Variants in FSTL4 observed in about 807,000 individuals in gnomAD.
FSTL4 encodes follistatin like 4.
Under a neutral mutation model 78.2 loss-of-function variants are expected in FSTL4, and 28 were observed. That is an observed-to-expected ratio of 0.36 (90% confidence interval 0.27 to 0.49). The LOEUF (loss-of-function observed/expected upper bound fraction) is 0.49. Among genes scored for constraint, FSTL4 ranks in the 20% least tolerant of loss-of-function variants. The probability of loss-of-function intolerance (pLI) is 0.98; values close to 1 mark genes in which losing one functional copy is unlikely to be tolerated. For synonymous variants in FSTL4, 422 were observed against 440.5 expected, an observed-to-expected ratio of 0.96 and a Z score of 0.53; for missense variants, 922 against 1,084.9, an observed-to-expected ratio of 0.85 and a Z score of 2.11.
chr5:133,401,818 T>C (rs577863732), intron 3 of FSTL4, among the ~76,000 whole-genome samples: 36 of 152,184 alleles, frequency 2.4e-4, no homozygotes, highest in Non-Finnish European at 4.3e-4. Flanking sequence ...CATTTGCAGG[T>C]CTCAGGTAGA....
At chr5:133,474,572 C>T (rs569616455) in intron 3 of FSTL4, among the ~76,000 whole-genome samples, 5 of 152,286 alleles carry the variant, frequency 3.3e-5, no homozygotes, top group South Asian at 2.1e-4. Flanking sequence ...CCATGGCTTT[C>T]GTGACTTACA....
intron 2 of FSTL4, among the ~76,000 whole-genome samples, chr5:133,599,280 C>T (rs574965966): frequency 3.3e-5 from 5 of 152,124 alleles, no homozygotes; most frequent in African/African-American, 4.8e-5. Context: ...CCATGCCTCG[C>T]GGGGACAGGA....
At chr5:133,835,667 T>A in the FSTL4 span, among the ~76,000 whole-genome samples, 1 of 152,212 alleles carries the variant, frequency 6.6e-6, no homozygotes, top group Non-Finnish European at 1.5e-5. Context: ...GCCCTGCTAT[T>A]ATTTTCCAGT....
chr5:133,198,881 G>T lies in FSTL4; in HGVS notation c.*214C>A. ...CACAGCAGCATATGTTCTCATCGTA[G>T]CTCAAGGCATAAATCATACTTCCTA... On this transcript the variant is annotated 3_prime_UTR_variant, in exon 16 of 16. Transcript: ENST00000265342. 2.2e-6 allele frequency: 1 copy of T among 464,622 alleles called. No individual in the cohort carries two copies. Among genetic ancestry groups the T allele is most frequent in the South Asian group, 6.4e-5 (1 of 15,686 alleles). 28.8% of individuals were successfully genotyped at this position (464,622 alleles called of 1,614,324 possible). A position where few individuals can be genotyped will look rare whatever the true frequency, so the allele number is the denominator to read the frequency against.
chr5:133,802,854 A>T, the FSTL4 span, among the ~76,000 whole-genome samples: 1 of 152,218 alleles, frequency 6.6e-6, no homozygotes, highest in African/African-American at 2.4e-5. Context: ...ACAGTGCCAC[A>T]TCTCCCCAAA....
chr5:133,219,016 G>A (rs1190585409), intron 12 of FSTL4, among the ~76,000 whole-genome samples: 3 of 152,176 alleles, frequency 2.0e-5, no homozygotes, highest in African/African-American at 2.4e-5. Context: ...CTTTTCCTTT[G>A]TCTTACATGA....
At chr5:133,763,508 G>A in the FSTL4 span, among the ~76,000 whole-genome samples, 1 of 152,092 alleles carries the variant, frequency 6.6e-6, no homozygotes, top group Non-Finnish European at 1.5e-5. Context: ...GCCCCTCTGA[G>A]CCTCCTCCAT....
intron 3 of FSTL4, among the ~76,000 whole-genome samples, chr5:133,430,084 G>A (rs570097555): frequency 6.6e-6 from 1 of 152,338 alleles, no homozygotes; most frequent in Admixed American, 6.5e-5. Context: ...AATGTGAGGT[G>A]CAATTTTTCC....
chr5:133,339,240 C>T (rs529380114), intron 4 of FSTL4, among the ~76,000 whole-genome samples: 144 of 152,330 alleles, frequency 9.5e-4, no homozygotes, highest in African/African-American at 3.4e-3. Flanking sequence ...CTTGCAGCAT[C>T]TGCTCAAGAC....
the FSTL4 span, among the ~76,000 whole-genome samples, chr5:133,629,577 G>T: frequency 6.6e-6 from 1 of 152,148 alleles, no homozygotes; most frequent in Non-Finnish European, 1.5e-5. Context: ...ACAAAGAGGA[G>T]CTGGTACCAT....
At chr5:133,368,612 A>C (rs978491413) in intron 4 of FSTL4, among the ~76,000 whole-genome samples, 1 of 152,260 alleles carries the variant, frequency 6.6e-6, no homozygotes, top group African/African-American at 2.4e-5. Flanking sequence ...AAAGAGCAAC[A>C]GGAAGAGCCT....
At chr5:133,755,837 A>C in the FSTL4 span, among the ~76,000 whole-genome samples, 1 of 152,174 alleles carries the variant, frequency 6.6e-6, no homozygotes, top group Non-Finnish European at 1.5e-5. Flanking sequence ...CTCTTCATCA[A>C]ACTGTGTTCA....
At chr5:133,367,076 G>T (rs781268039) in intron 4 of FSTL4, among the ~76,000 whole-genome samples, 5 of 152,174 alleles carry the variant, frequency 3.3e-5, no homozygotes, top group Non-Finnish European at 7.3e-5. Context: ...TCTGTTAGCT[G>T]CTTGGGGGCA....
At chr5:133,291,190 GT>G (rs1343896415) in intron 6 of FSTL4, among the ~76,000 whole-genome samples, 1 of 152,210 alleles carries the variant, frequency 6.6e-6, no homozygotes, top group African/African-American at 2.4e-5. Flanking sequence ...AGAGCGGGCC[GT>G]TGAGTCACAC....
intron 6 of FSTL4, among the ~76,000 whole-genome samples, chr5:133,309,733 C>T (rs1753733249): frequency 6.6e-6 from 1 of 152,162 alleles, no homozygotes; most frequent in Admixed American, 6.5e-5. Context: ...GTACAACAGC[C>T]CCAAACCCAT....
At chr5:133,550,412 T>A (rs939536291) in intron 3 of FSTL4, among the ~76,000 whole-genome samples, 10 of 152,286 alleles carry the variant, frequency 6.6e-5, no homozygotes, top group African/African-American at 2.4e-4. Context: ...TTTCAGTAAG[T>A]ATTCACCAAA....
intron 3 of FSTL4, among the ~76,000 whole-genome samples, chr5:133,472,426 T>C (rs546636480): frequency 6.6e-6 from 1 of 151,994 alleles, no homozygotes; most frequent in Non-Finnish European, 1.5e-5. Flanking sequence ...CATTCTAGAT[T>C]AGAATAAGAA....
At chr5:133,364,019 TG>T (rs1344895861) in intron 4 of FSTL4, among the ~76,000 whole-genome samples, 2 of 152,234 alleles carry the variant, frequency 1.3e-5, no homozygotes, top group African/African-American at 4.8e-5. Flanking sequence ...AGCCCACCTC[TG>T]GGCCCTGAAT....
intron 3 of FSTL4, among the ~76,000 whole-genome samples, chr5:133,450,141 T>C (rs772752688): frequency 1.3e-5 from 2 of 152,208 alleles, no homozygotes; most frequent in Non-Finnish European, 2.9e-5. Context: ...CAAACACAAA[T>C]ACTAGTCTTT....
Sources: allele counts gnomAD v4.1 joint callset (sites outside exome capture counted in the v4.1 genomes callset), GRCh38; gene constraint gnomAD v4.1.1; transcripts MANE v1.5; gene names NCBI Gene and HGNC (gene_info 2026-07-23, HGNC 2026-07-21).